Variants in FSTL4 observed in about 807,000 individuals in gnomAD.
FSTL4 encodes follistatin like 4.
A neutral mutation model predicts 78.2 loss-of-function variants in FSTL4; 28 were observed. The observed-to-expected ratio is 0.36, with a 90% CI of 0.27 to 0.49. FSTL4 has a LOEUF of 0.49. Among genes scored for constraint, FSTL4 ranks in the 20% least tolerant of loss-of-function variants. The pLI is 0.98. For missense variants in FSTL4, 922 were observed against 1,084.9 expected, an observed-to-expected ratio of 0.85 and a Z score of 2.11; for synonymous variants, 422 against 440.5, an observed-to-expected ratio of 0.96 and a Z score of 0.53.
chr5:133,506,950 G>A (rs1423960213), intron 3 of FSTL4, among the ~76,000 whole-genome samples: 1 of 152,182 alleles, frequency 6.6e-6, no homozygotes, highest in Non-Finnish European at 1.5e-5. Flanking sequence ...GGTGGCTCAG[G>A]CCTGTAATCC....
chr5:133,212,070 G>A lies in FSTL4; in HGVS notation c.1609-1772C>T, dbSNP rs144600397. 6.8e-3 allele frequency among the ~76,000 whole-genome samples: 1,031 copies of A among 152,230 alleles called. 11 individuals carry two copies. The highest frequency in any genetic ancestry group is 0.024 in the African/African-American group (989 of 41,538). On this transcript the variant is annotated intron_variant, in intron 13 of 15. Coordinates refer to ENST00000265342, the MANE Select transcript of FSTL4 (RefSeq NM_015082.2). The stretch of plus-strand genomic sequence containing the variant: ...TACCCCGAGGCCTTTGTAGCCTCCA[G>A]CTACCTGTATTTGTTCCTGCCAGTT...
chr5:133,571,989 C>T lies in FSTL4; in HGVS notation c.127-4770G>A, dbSNP rs138680484. On this transcript the variant is annotated intron_variant, in intron 2 of 15. Transcript: ENST00000265342. ...TGGGCAGAATCAATACTGAAAGAGA[C>T]GCTTGTTGATACTTTTCCAAAACTA... Among the ~76,000 whole-genome samples, 70 of 152,246 alleles carry T rather than the reference C, an allele frequency of 4.6e-4. 1 individual carries two copies. Among genetic ancestry groups the T allele is most frequent in the African/African-American group, 1.1e-3 (46 of 41,552 alleles).
At chr5:133,709,136 C>T in the FSTL4 span, among the ~76,000 whole-genome samples, 1 of 152,226 alleles carries the variant, frequency 6.6e-6, no homozygotes, top group African/African-American at 2.4e-5. Flanking sequence ...CTGTCACATA[C>T]AGGCAGGAAG....
At chr5:133,351,768 C>T (rs569931156) in intron 4 of FSTL4, among the ~76,000 whole-genome samples, 1 of 152,136 alleles carries the variant, frequency 6.6e-6, no homozygotes, top group East Asian at 1.9e-4. Context: ...CTACCTTGCC[C>T]AGCTAGTTTT....
At chr5:133,220,941 A>G (rs1417525101) in intron 11 of FSTL4, 75 bp from the exon 12 acceptor site, 1 of 861,510 alleles carries the variant, frequency 1.2e-6, no homozygotes, top group African/African-American at 1.7e-5. Context: ...AGCATTGAAC[A>G]CACAAGAAAC....
chr5:133,648,616 T>C, the FSTL4 span, among the ~76,000 whole-genome samples: 3 of 152,294 alleles, frequency 2.0e-5, no homozygotes, highest in East Asian at 5.8e-4. Context: ...GGGATGCTTA[T>C]CAACCACAGT....
At chr5:133,680,965 G>T in the FSTL4 span, among the ~76,000 whole-genome samples, 24 of 152,206 alleles carry the variant, frequency 1.6e-4, no homozygotes, top group Admixed American at 8.5e-4. Context: ...TGGGATTCTG[G>T]GGCCAGAGTC....
intron 3 of FSTL4, among the ~76,000 whole-genome samples, chr5:133,509,017 A>G (rs917059820): frequency 1.3e-5 from 2 of 152,228 alleles, no homozygotes; most frequent in Admixed American, 1.3e-4. Context: ...ACATTAAAGG[A>G]CTTGCTATTG....
chr5:133,488,915 A>AC (rs1473180908), intron 3 of FSTL4, among the ~76,000 whole-genome samples: 2 of 152,178 alleles, frequency 1.3e-5, no homozygotes, highest in Admixed American at 1.3e-4. Flanking sequence ...AGAGATTCAC[A>AC]GAGCCTGAAA....
At chr5:133,433,126 CT>C (rs1162211594) in intron 3 of FSTL4, among the ~76,000 whole-genome samples, 1 of 152,216 alleles carries the variant, frequency 6.6e-6, no homozygotes, top group Non-Finnish European at 1.5e-5. Flanking sequence ...AAGCTGTTCT[CT>C]TTTTCAGTGA....
chr5:133,264,838 C>G (rs113861430), intron 6 of FSTL4, among the ~76,000 whole-genome samples: 46 of 152,326 alleles, frequency 3.0e-4, no homozygotes, highest in Middle Eastern at 6.8e-3. Context: ...GTTTGGAAAT[C>G]TCCACATCTT....
upstream of FSTL4, among the ~76,000 whole-genome samples, chr5:133,615,452 A>T (rs1453849165): frequency 1.3e-5 from 2 of 152,180 alleles, no homozygotes; most frequent in Non-Finnish European, 2.9e-5. Context: ...TGAGCCTGGG[A>T]GAGTCACACC....
chr5:133,400,984 G>T lies in FSTL4; in HGVS notation c.163C>A (p.Leu55Ile), dbSNP rs1261951948. ...RSFEVTRREG[L>I]SSHNELLASC... ...GCCAGCAGCTCGTTGTGGCTGGAAA[G>T]CCCTGCCAGACACACAAACACAGAG... The change falls in exon 4 of 16, where the codon CTT becomes ATT. Residue 55 changes from leucine to isoleucine, a missense_variant and splice_region_variant. Coordinates refer to ENST00000265342, the MANE Select transcript of FSTL4 (RefSeq NM_015082.2). The T allele has an allele frequency of 6.2e-7, 1 of 1,612,824 alleles. No individual in the cohort carries two copies. Among genetic ancestry groups the T allele is most frequent in the African/African-American group, 1.3e-5 (1 of 74,944 alleles).
chr5:133,749,909 T>C, the FSTL4 span, among the ~76,000 whole-genome samples: 2 of 152,200 alleles, frequency 1.3e-5, no homozygotes, highest in African/African-American at 4.8e-5. Context: ...TCAAGTGACA[T>C]TGTGAAAATC....
chr5:133,334,784 G>C (rs1754427390), intron 4 of FSTL4, among the ~76,000 whole-genome samples: 1 of 152,158 alleles, frequency 6.6e-6, no homozygotes. Flanking sequence ...ATATGGAAGT[G>C]GCGGCAGCTC....
intron 15 of FSTL4, among the ~76,000 whole-genome samples, chr5:133,200,428 C>T (rs887994043): frequency 4.6e-5 from 7 of 152,242 alleles, no homozygotes; most frequent in East Asian, 1.9e-4. Context: ...CTTTTCCCTC[C>T]GGAGCCAGAT....
At chr5:133,301,608 C>T (rs1272068249) in intron 6 of FSTL4, among the ~76,000 whole-genome samples, 1 of 152,162 alleles carries the variant, frequency 6.6e-6, no homozygotes, top group Non-Finnish European at 1.5e-5. Flanking sequence ...GGCCCATTCC[C>T]ACCCCACCTG....
chr5:133,701,797 T>C, the FSTL4 span, among the ~76,000 whole-genome samples: 9 of 152,160 alleles, frequency 5.9e-5, no homozygotes, highest in African/African-American at 2.2e-4. Flanking sequence ...ATAAAACGCA[T>C]GAGTGTGTGC....
the FSTL4 span, among the ~76,000 whole-genome samples, chr5:133,738,792 G>A: frequency 0.029 from 4,447 of 152,208 alleles, 228 homozygotes; most frequent in African/African-American, 0.1. Flanking sequence ...TAAGCATTGC[G>A]TGTAGGAGTC....
Sources: gnomAD v4.1 joint callset for allele counts (sites outside exome capture counted in the v4.1 genomes callset) on GRCh38, gnomAD v4.1.1 for gene constraint, MANE v1.5 for transcripts, NCBI Gene and HGNC (gene_info 2026-07-23, HGNC 2026-07-21) for gene names.